TMEM79: variants seen among roughly 807,000 people sequenced by gnomAD.
TMEM79 encodes the protein transmembrane protein 79.
In TMEM79, 30 loss-of-function variants were observed where a neutral mutation model predicts 31.2. The ratio of observed to expected loss-of-function variants is 0.96; its 90% CI spans 0.72 to 1.30. The LOEUF (loss-of-function observed/expected upper bound fraction) is 1.30. TMEM79 is among the 50% of genes most tolerant of loss of function. The pLI is 0.00. For synonymous variants in TMEM79, 213 were observed against 229.5 expected, an observed-to-expected ratio of 0.93 and a Z score of 0.65; for missense variants, 509 against 528.2, an observed-to-expected ratio of 0.96 and a Z score of 0.36.
intron 1 of TMEM79, among the ~76,000 whole-genome samples, chr1:156,284,745 G>A (rs1185796674): frequency 6.6e-6 from 1 of 152,200 alleles, no homozygotes; most frequent in Non-Finnish European, 1.5e-5. Flanking sequence ...GGGATGTGTA[G>A]GGATGGGACA....
intron 3 of TMEM79, chr1:156,290,853 T>C (rs4997909): frequency 1.2e-5 from 1 of 86,562 alleles, no homozygotes. Flanking sequence ...AATAATAATT[T>C]AAAAAATCAC....
At position 156,286,394 on chromosome 1, in the gene TMEM79, C is replaced by T. The variant is rs1663163882; in HGVS notation, c.892C>T (p.Leu298=). 1 of 1,614,222 alleles carries T rather than the reference C, an allele frequency of 6.2e-7. No homozygotes were observed. Among genetic ancestry groups the T allele is most frequent in the African/African-American group, 1.3e-5 (1 of 75,046 alleles). Residue 298 remains leucine, a synonymous_variant, in exon 3 of 4, where the codon CTG becomes TTG. Coordinates refer to ENST00000405535, the MANE Select transcript of TMEM79 (RefSeq NM_032323.3). ...GCTCTTTATTCTCTACTTCTTCAAC[C>T]TGGCCGTGCTTTCCACTTACCTGCC... ...VQLFILYFFN[L]AVLSTYLPQD... is the part of the protein sequence containing the mutation.
Position 156,285,296 on chromosome 1 carries a change from C to T in TMEM79, c.70C>T (p.Gln24Ter). Residue 24 changes from glutamine to a stop codon, truncating the protein, a stop_gained, in exon 2 of 4, where the codon CAG (glutamine) becomes TAG (stop). Coordinates refer to ENST00000405535, the MANE Select transcript of TMEM79 (RefSeq NM_032323.3). LOFTEE classifies it high-confidence loss of function. ...RSDSPEKSSP[Q>*]ALVPNGRQPE... ...TGATTCCCCAGAGAAGAGCTCACCC[C>T]AGGCCTTGGTTCCCAATGGCCGGCA... 2 of 1,577,306 alleles carry T rather than the reference C, an allele frequency of 1.3e-6. No individual in the cohort carries two copies. The highest frequency in any genetic ancestry group is 1.4e-5 in the African/African-American group (1 of 73,658).
rs147736417 is a variant in TMEM79 at position 156,286,400 on chromosome 1, G to A, written c.898G>A (p.Val300Met). 1.3e-4 allele frequency: 203 copies of A among 1,614,182 alleles called. No homozygotes were observed. The East Asian group carries it at 3.9e-3, about 31-fold the overall frequency. The change falls in exon 3 of 4, where the codon GTG becomes ATG. Residue 300 changes from valine to methionine, a missense_variant. Val to Met is a conservative substitution (Grantham distance 21, BLOSUM62 1). Coordinates refer to ENST00000405535, the MANE Select transcript of TMEM79 (RefSeq NM_032323.3). ...TATTCTCTACTTCTTCAACCTGGCC[G>A]TGCTTTCCACTTACCTGCCCCAGGA... The part of the protein sequence containing the change: ...LFILYFFNLA[V>M]LSTYLPQDTL...
Position 156,291,417 on chromosome 1 carries a change from G to A in TMEM79, c.1004G>A (p.Arg335His), listed in dbSNP as rs1663324987. Residue 335 changes from arginine to histidine, a missense_variant, in exon 4 of 4, where the codon CGC becomes CAC. By Grantham distance (29) the Arg-to-His change is conservative. Coordinates refer to ENST00000405535, the MANE Select transcript of TMEM79 (RefSeq NM_032323.3). ...LIYWLTFAVG[R>H]SFRGFGYGLT... ...TACTGGCTGACCTTTGCCGTGGGCC[G>A]CTCCTTCCGAGGCTTCGGCTACGGC... 2 of 1,613,952 alleles carry A rather than the reference G, an allele frequency of 1.2e-6. No homozygotes were observed. The highest frequency in any genetic ancestry group is 2.2e-5 in the East Asian group (1 of 44,882).
rs1663351975 is a variant in TMEM79, at chr1:156,291,960, C to T, written c.*362C>T. 2.0e-6 allele frequency: 1 copy of T among 500,376 alleles called. No homozygotes were observed. Among genetic ancestry groups the T allele is most frequent in the Admixed American group, 3.4e-5 (1 of 29,000 alleles). The allele number at this position is 500,376 out of a possible 1,614,324, so 31.0% of individuals were successfully genotyped here. On this transcript the variant is annotated 3_prime_UTR_variant, in exon 4 of 4. Transcript: ENST00000405535. ...CTCCCTAATGCTGGTCTCTGCTCCA[C>T]TCCCCGGCTTCCCGTGAGGCAGGAG...
intron 3 of TMEM79, among the ~76,000 whole-genome samples, chr1:156,287,463 C>G (rs980864980): frequency 6.6e-6 from 1 of 151,988 alleles, no homozygotes; most frequent in African/African-American, 2.4e-5. Context: ...GAGATGAGGT[C>G]TCAAGGTTGG....
rs1324582549 is a variant in TMEM79 at position 156,291,576 on chromosome 1, A to G, written c.1163A>G (p.Tyr388Cys). Residue 388 changes from tyrosine (Y) to cysteine (C), a missense_variant, in exon 4 of 4, where the codon TAC becomes TGC. Transcript: ENST00000405535. ...YPDHARSASD[Y>C]RPRPWG is the part of the protein sequence containing the mutation. ...GACCACGCCCGCTCGGCCTCCGACT[A>G]CAGGCCCCGCCCCTGGGGCTGAGCC... 5 of 1,610,652 alleles carry G rather than the reference A, an allele frequency of 3.1e-6. No individual in the cohort carries two copies. Among genetic ancestry groups the G allele is most frequent in the Non-Finnish European group, 4.2e-6 (5 of 1,179,876 alleles).
Position 156,292,409 on chromosome 1 carries a change from GTGTGTGTGTGTGTA to G in TMEM79, c.*812_*825del, listed in dbSNP as rs1663371942. On this transcript the variant is annotated 3_prime_UTR_variant, in exon 4 of 4. Coordinates refer to ENST00000405535, the MANE Select transcript of TMEM79 (RefSeq NM_032323.3). ...TGTGTGTGTGTGTGTGTGTGTGTGT[GTGTGTGTGTGTGTA>G]ACAATAAATTACTACCAGTCTTTGC... 1 of 119,688 alleles carries G rather than the reference GTGTGTGTGTGTGTA, an allele frequency of 8.4e-6. No homozygotes were observed. 7.4% of individuals were successfully genotyped at this position (119,688 alleles called of 1,614,324 possible).
chr1:156,283,156 AAGCCTCTTTCAGATTACTGGTTAG>A (rs1663047068), upstream of TMEM79: 2 of 271,140 alleles, frequency 7.4e-6, no homozygotes, highest in African/African-American at 4.4e-5. Context: ...CGTTTGAGCC[AAGCCTCTTTCAGATTACTGGTTAG>A]AGTGACTCCA....
intron 3 of TMEM79, chr1:156,290,275 CTCTTCT>C (rs1001476609): frequency 6.5e-6 from 1 of 153,590 alleles, no homozygotes; most frequent in Non-Finnish European, 1.5e-5. Flanking sequence ...ATCACACTGG[CTCTTCT>C]TCTTCCTTCT....
rs1045927019 is a variant in TMEM79, at chr1:156,292,011, C to A, written c.*413C>A. 16 of 408,656 alleles carry A rather than the reference C, an allele frequency of 3.9e-5. No individual in the cohort carries two copies. The highest frequency in any genetic ancestry group is 2.4e-4 in the African/African-American group (12 of 50,802). The allele number at this position is 408,656 out of a possible 1,614,324, so 25.3% of individuals were successfully genotyped here. A position where few individuals can be genotyped will look rare whatever the true frequency, so the allele number is the denominator to read the frequency against. On this transcript the variant is annotated 3_prime_UTR_variant, in exon 4 of 4. Transcript: ENST00000405535. ...GCAGAGCCACAGCCAAGGCCCTGAC[C>A]ACTTCTGTGCCAGTTGTCTAAGCAG...
In TMEM79 at chr1:156,291,407, G is replaced by A; in HGVS notation, c.994G>A (p.Ala332Thr). The A allele has an allele frequency of 6.2e-7, 1 of 1,613,966 alleles. No homozygotes were observed. The highest frequency in any genetic ancestry group is 8.5e-7 in the Non-Finnish European group (1 of 1,179,996). The change falls in exon 4 of 4, where the codon GCC becomes ACC. Residue 332 changes from alanine to threonine, a missense_variant. Coordinates refer to ENST00000405535, the MANE Select transcript of TMEM79 (RefSeq NM_032323.3). ...TAGGCTGATCTACTGGCTGACCTTT[G>A]CCGTGGGCCGCTCCTTCCGAGGCTT... The part of the protein sequence containing the change: ...VSRLIYWLTF[A>T]VGRSFRGFGY...
chr1:156,285,059 C>T (rs1323934223), intron 1 of TMEM79, 125 bp from the exon 2 acceptor site: 3 of 686,978 alleles, frequency 4.4e-6, no homozygotes, highest in Non-Finnish European at 6.6e-6. Flanking sequence ...CCACGTTCTC[C>T]CTAAGGCTCC....
chr1:156,282,981 C>CT (rs1338220994), upstream of TMEM79: 1 of 517,512 alleles, frequency 1.9e-6, no homozygotes, highest in Non-Finnish European at 3.4e-6. Flanking sequence ...TCTCCAAACC[C>CT]TTGCGAAAAA....
At chr1:156,286,143 TC>T in intron 2 of TMEM79, 116 bp from the exon 3 acceptor site, 1 of 1,363,732 alleles carries the variant, frequency 7.3e-7, no homozygotes, top group Non-Finnish European at 1.0e-6. Flanking sequence ...CAGGACCACC[TC>T]CACCCCACTG....
chr1:156,285,846 C>A lies in TMEM79; in HGVS notation c.620C>A (p.Ala207Glu), dbSNP rs747831898. The change falls in exon 2 of 4, where the codon GCA (alanine) becomes GAA (glutamate). Residue 207 changes from alanine (A) to glutamate (E), a missense_variant. Ala to Glu is a moderately radical substitution (Grantham distance 107). Transcript: ENST00000405535. ...WLRAVASVGA[A>E]LILFPCLLYG... is the part of the protein sequence containing the mutation. ...AGGGCTGTGGCCTCCGTGGGAGCCG[C>A]ACTCATTCTCTTCCCTTGCCTACTA... The A allele has an allele frequency of 3.3e-5, 54 of 1,613,568 alleles. No homozygotes were observed. Among genetic ancestry groups the A allele is most frequent in the Non-Finnish European group, 4.5e-5 (53 of 1,180,030 alleles).
Position 156,285,523 on chromosome 1 carries a change from A to G in TMEM79, c.297A>G (p.Pro99=), listed in dbSNP as rs553983602. The change falls in exon 2 of 4, where the codon CCA becomes CCG. Residue 99 remains proline (P), a synonymous_variant. Transcript: ENST00000405535. ...CCCCTGGCTGGCGGGACATTGAACC[A>G]GAGCCCCCTGAGTCAGAACCACTTA... is the stretch of plus-strand genomic sequence containing the variant. ...PDPPGWRDIE[P]EPPESEPLTK... is the part of the protein sequence containing the mutation. 3.1e-6 allele frequency: 5 copies of G among 1,614,188 alleles called. No homozygotes were observed. Among genetic ancestry groups the G allele is most frequent in the Admixed American group, 1.7e-5 (1 of 60,028 alleles).
intron 2 of TMEM79, 70 bp from the exon 3 acceptor site, chr1:156,286,190 C>A (rs1485918318): frequency 4.0e-6 from 6 of 1,514,350 alleles, no homozygotes; most frequent in Non-Finnish European, 5.5e-6. Flanking sequence ...TGAATCTGCC[C>A]CCAGCTTACT....
Sources: gnomAD v4.1 joint callset for allele counts (sites outside exome capture counted in the v4.1 genomes callset) on GRCh38, gnomAD v4.1.1 for gene constraint, MANE v1.5 for transcripts, NCBI Gene and HGNC (gene_info 2026-07-23, HGNC 2026-07-21) for gene names.